MFF: variants seen among roughly 807,000 people sequenced by gnomAD.
The protein encoded by MFF is mitochondrial fission factor, also known as chromosome 2 open reading frame 33.
Under a neutral mutation model 36.9 loss-of-function variants are expected in MFF, and 12 were observed. The observed-to-expected ratio is 0.33, with a 90% CI of 0.21 to 0.53. The LOEUF (loss-of-function observed/expected upper bound fraction) is 0.53, where lower values mean the gene tolerates loss of function less well. MFF is among the 20% of genes least tolerant of loss of function. The pLI, the probability that MFF is intolerant of heterozygous loss-of-function variation, is 0.95. For synonymous variants in MFF, 99 were observed against 126.2 expected (o/e 0.78, Z 1.44); for missense variants, 348 against 366.6 (o/e 0.95, Z 0.42).
At position 227,330,862 on chromosome 2, in the gene MFF, T is replaced by G. The variant is rs201332912; in HGVS notation, c.181+16T>G. On this transcript the variant is annotated intron_variant, in intron 3 of 8. Coordinates refer to ENST00000304593, the MANE Select transcript of MFF (RefSeq NM_001277062.2). ...GTTGTAGCAGGTATTTCACCTTTAC[T>G]TAGAAGGTTGCCTGTTAAATCTTTG... is the stretch of plus-strand genomic sequence containing the variant. 7 of 1,588,856 alleles carry G rather than the reference T, an allele frequency of 4.4e-6. No homozygotes were observed. The highest frequency in any genetic ancestry group is 1.7e-4 in the Middle Eastern group (1 of 5,952).
At chr2:227,352,456 A>T in intron 6 of MFF, 58 bp from the exon 7 acceptor site, 1 of 1,254,784 alleles carries the variant, frequency 8.0e-7, no homozygotes, top group Non-Finnish European at 1.1e-6. Flanking sequence ...CTTTTATTTT[A>T]TTACTTCTCT....
At chr2:227,340,262 A>G (rs201989855) in intron 4 of MFF, 30 bp from the exon 5 acceptor site, 75 of 1,575,706 alleles carry the variant, frequency 4.8e-5, no homozygotes, top group Non-Finnish European at 6.2e-5. Flanking sequence ...GAATATTTCT[A>G]TTTCCTTCCC....
At chr2:227,330,430 C>T (rs2074485959) in intron 2 of MFF, 196 bp from the exon 3 acceptor site, 1 of 563,948 alleles carries the variant, frequency 1.8e-6, no homozygotes, top group Non-Finnish European at 3.1e-6. Context: ...GGTACAATTT[C>T]AGCTGATAAT....
At chr2:227,329,794 T>G in intron 2 of MFF, 1 of 1,485,148 alleles carries the variant, frequency 6.7e-7, no homozygotes, top group Non-Finnish European at 9.1e-7. Flanking sequence ...GTCAGTGAAA[T>G]TTTATTCAGT....
chr2:227,352,719 C>A, intron 7 of MFF, 146 bp downstream of exon 7: 1 of 687,682 alleles, frequency 1.5e-6, no homozygotes. Flanking sequence ...TTGCTTCTCT[C>A]TAAGAACAGT....
intron 4 of MFF, among the ~76,000 whole-genome samples, chr2:227,333,891 C>T (rs1264629091): frequency 6.6e-6 from 1 of 152,146 alleles, no homozygotes; most frequent in Non-Finnish European, 1.5e-5. Flanking sequence ...AAGCAATTCC[C>T]TGATTGATTA....
At chr2:227,340,188 G>C (rs981665564) in intron 4 of MFF, 104 bp from the exon 5 acceptor site, 1 of 871,458 alleles carries the variant, frequency 1.1e-6, no homozygotes, top group East Asian at 2.6e-5. Context: ...TTAGTTCGTT[G>C]TAAGTTTTTT....
chr2:227,356,432 C>T (rs185621191), intron 8 of MFF, among the ~76,000 whole-genome samples: 7 of 152,244 alleles, frequency 4.6e-5, no homozygotes, highest in Admixed American at 4.6e-4. Flanking sequence ...GCAGCATTTC[C>T]AGCAGCTGGG....
Position 227,357,312 on chromosome 2 carries a change from C to G in MFF, c.*195C>G. On this transcript the variant is annotated 3_prime_UTR_variant, in exon 9 of 9. Transcript: ENST00000304593. ...ATATTCTGTCACTCAGCTGTATTCA[C>G]GTCTGAGCAGTTCTGCAGTAACACC... The G allele has an allele frequency of 3.7e-6, 2 of 535,654 alleles. No individual in the cohort carries two copies. Among genetic ancestry groups the G allele is most frequent in the South Asian group, 6.2e-5 (2 of 32,316 alleles). The allele number at this position is 535,654 out of a possible 1,614,324, so 33.2% of individuals were successfully genotyped here. A position where few individuals can be genotyped will look rare whatever the true frequency, so the allele number is the denominator to read the frequency against.
intron 6 of MFF, chr2:227,352,001 A>G (rs530257641): frequency 1.3e-5 from 2 of 153,126 alleles, no homozygotes; most frequent in South Asian, 2.0e-4. Flanking sequence ...GCACTACTCA[A>G]AATTAATGAG....
chr2:227,356,580 G>A (rs1186136952), intron 8 of MFF, among the ~76,000 whole-genome samples: 3 of 152,178 alleles, frequency 2.0e-5, no homozygotes, highest in Admixed American at 6.5e-5. Context: ...AACAACTGAG[G>A]TTGAGTGACA....
intron 4 of MFF, among the ~76,000 whole-genome samples, chr2:227,332,911 A>G (rs2074705969): frequency 6.6e-6 from 1 of 152,260 alleles, no homozygotes; most frequent in South Asian, 2.1e-4. Flanking sequence ...AAGTAAATGT[A>G]TCACTTTGTT....
chr2:227,329,923 T>TAAAAA, intron 2 of MFF: 2 of 409,854 alleles, frequency 4.9e-6, no homozygotes, highest in South Asian at 9.1e-5. Flanking sequence ...TCTACTGCAT[T>TAAAAA]AAAAAAAAAA....
At chr2:227,353,365 G>A (rs1391046812) in intron 7 of MFF, among the ~76,000 whole-genome samples, 1 of 152,186 alleles carries the variant, frequency 6.6e-6, no homozygotes, top group East Asian at 1.9e-4. Context: ...GGTAGCAGTA[G>A]ATTTAAAACT....
Position 227,357,202 on chromosome 2 carries a change from G to A in MFF, c.*85G>A. On this transcript the variant is annotated 3_prime_UTR_variant, in exon 9 of 9. Coordinates refer to ENST00000304593, the MANE Select transcript of MFF (RefSeq NM_001277062.2). ...ACTTCTTTGTTTCTGTCTCTGCATT[G>A]TATGCCATTTTATAGTCCACACCCT... The A allele has an allele frequency of 6.9e-7, 1 of 1,452,564 alleles. No homozygotes were observed. 90.0% of individuals were successfully genotyped at this position (1,452,564 alleles called of 1,614,324 possible). A position where few individuals can be genotyped will look rare whatever the true frequency, so the allele number is the denominator to read the frequency against.
At chr2:227,353,215 A>G (rs1271890488) in intron 7 of MFF, among the ~76,000 whole-genome samples, 21 of 152,194 alleles carry the variant, frequency 1.4e-4, no homozygotes, top group Non-Finnish European at 3.1e-4. Context: ...GGCACATACA[A>G]ATACATGCAG....
At chr2:227,349,301 C>T (rs4132362) in intron 6 of MFF, among the ~76,000 whole-genome samples, 4 of 151,882 alleles carry the variant, frequency 2.6e-5, no homozygotes, top group African/African-American at 9.7e-5. Context: ...AAAATTGTGC[C>T]TCAGAGTCAA....
At chr2:227,326,405 A>G (rs1405311435) in intron 1 of MFF, among the ~76,000 whole-genome samples, 5 of 151,944 alleles carry the variant, frequency 3.3e-5, no homozygotes, top group Non-Finnish European at 7.4e-5. Flanking sequence ...CCCTTAGGAA[A>G]ATTAGGACGA....
At chr2:227,352,954 T>C (rs2106460525) in intron 7 of MFF, among the ~76,000 whole-genome samples, 1 of 152,338 alleles carries the variant, frequency 6.6e-6, no homozygotes, top group Admixed American at 6.5e-5. Context: ...TTGTTAATTA[T>C]CTGGAATGTT....
Sources: allele counts gnomAD v4.1 joint callset (sites outside exome capture counted in the v4.1 genomes callset), GRCh38; gene constraint gnomAD v4.1.1; transcripts MANE v1.5; gene names NCBI Gene and HGNC (gene_info 2026-07-23, HGNC 2026-07-21).